Variants in SNX7 observed in about 807,000 individuals in gnomAD.
SNX7 encodes sorting nexin-7.
A neutral mutation model predicts 48.4 loss-of-function variants in SNX7; 35 were observed. The ratio of observed to expected loss-of-function variants is 0.72; its 90% confidence interval spans 0.55 to 0.96. SNX7 has a LOEUF of 0.96. Ranked by LOEUF, SNX7 falls within the 40% of genes least tolerant of loss-of-function variation. The pLI, the probability that SNX7 is intolerant of heterozygous loss-of-function variation, is 0.00. For synonymous variants in SNX7, 190 were observed against 190.2 expected, an observed-to-expected ratio of 1.00 and a Z score of 0.01; for missense variants, 553 against 548.9, an observed-to-expected ratio of 1.01 and a Z score of -0.07.
intron 1 of SNX7, among the ~76,000 whole-genome samples, chr1:98,679,212 G>T (rs548810292): frequency 6.6e-6 from 1 of 152,300 alleles, no homozygotes; most frequent in African/African-American, 2.4e-5. Flanking sequence ...AAAAGAGCTT[G>T]TGCAGGGAAA....
At chr1:98,719,901 C>T (rs1652775485) in intron 7 of SNX7, among the ~76,000 whole-genome samples, 1 of 148,728 alleles carries the variant, frequency 6.7e-6, no homozygotes, top group African/African-American at 2.4e-5. Context: ...TATATATCAA[C>T]TATAATATAT....
intron 7 of SNX7, among the ~76,000 whole-genome samples, chr1:98,733,293 C>G (rs999863592): frequency 1.3e-5 from 2 of 152,148 alleles, no homozygotes; most frequent in African/African-American, 4.8e-5. Flanking sequence ...TGCCCACCAT[C>G]TAGATCAGGG....
chr1:98,661,707 G>A, upstream of SNX7: 1 of 1,207,304 alleles, frequency 8.3e-7, no homozygotes, highest in Non-Finnish European at 1.0e-6. Context: ...CGGCGGTGGC[G>A]GCCGGCTGGG....
chr1:98,695,522 T>C lies in SNX7; in HGVS notation c.644T>C (p.Leu215Pro). ...KIFLTAQAWE[L>P]SSHKKQGPGL... Reference sequence around the variant, plus strand: ...TACTTGGTTTTTTGTTTCTAGGAACTCTCTTCTCACAAGAAGCAAGGTCCT... The same window carrying C: ...TACTTGGTTTTTTGTTTCTAGGAACCCTCTTCTCACAAGAAGCAAGGTCCT... Residue 215 changes from leucine to proline, a missense_variant, in exon 5 of 9, where the codon CTC becomes CCC. Physicochemically the swap from Leu to Pro is moderately conservative, Grantham distance 98 (BLOSUM62 -3). Coordinates refer to ENST00000306121, the MANE Select transcript of SNX7 (RefSeq NM_015976.5). 1 of 1,612,894 alleles carries C rather than the reference T, an allele frequency of 6.2e-7. No individual in the cohort carries two copies. The highest frequency in any genetic ancestry group is 8.5e-7 in the Non-Finnish European group (1 of 1,179,688).
At chr1:98,666,675 G>A (rs1157664732) in intron 1 of SNX7, among the ~76,000 whole-genome samples, 1 of 152,128 alleles carries the variant, frequency 6.6e-6, no homozygotes, top group Non-Finnish European at 1.5e-5. Flanking sequence ...CTCTCCTACG[G>A]AGAGATGGTA....
chr1:98,734,224 T>C (rs1653660810), intron 7 of SNX7, among the ~76,000 whole-genome samples: 1 of 152,162 alleles, frequency 6.6e-6, no homozygotes, highest in Non-Finnish European at 1.5e-5. Context: ...TTCCATTCTG[T>C]ATCTGTAAAT....
At chr1:98,726,979 G>A (rs1484904834) in intron 7 of SNX7, among the ~76,000 whole-genome samples, 2 of 152,198 alleles carry the variant, frequency 1.3e-5, no homozygotes, top group African/African-American at 4.8e-5. Context: ...GGGAGGCTGA[G>A]GCGGGTGGAT....
intron 1 of SNX7, among the ~76,000 whole-genome samples, chr1:98,676,084 AC>A (rs1017131035): frequency 3.9e-5 from 6 of 152,168 alleles, no homozygotes; most frequent in Admixed American, 6.5e-5. Context: ...ATTCCTGTTA[AC>A]TTTTTTTTTT....
intron 7 of SNX7, among the ~76,000 whole-genome samples, chr1:98,705,847 G>A (rs1651978331): frequency 6.6e-6 from 1 of 152,092 alleles, no homozygotes; most frequent in African/African-American, 2.4e-5. Context: ...AGGTGGCAGT[G>A]GAGTTGCAGA....
chr1:98,720,505 A>G (rs1450048160), intron 7 of SNX7, among the ~76,000 whole-genome samples: 1 of 152,048 alleles, frequency 6.6e-6, no homozygotes, highest in Non-Finnish European at 1.5e-5. Flanking sequence ...TACTTTTTTG[A>G]GTGAACCCCT....
At chr1:98,663,278 TTTTTTTTTTTTTTTG>T in intron 1 of SNX7, among the ~76,000 whole-genome samples, 2 of 109,898 alleles carry the variant, frequency 1.8e-5, no homozygotes, top group African/African-American at 6.6e-5. Flanking sequence ...TTTTTTTTTT[TTTTTTTTTTTTTTTG>T]TCGGGGCTGG....
At chr1:98,709,588 A>G (rs1652195854) in intron 7 of SNX7, among the ~76,000 whole-genome samples, 1 of 152,048 alleles carries the variant, frequency 6.6e-6, no homozygotes, top group Non-Finnish European at 1.5e-5. Flanking sequence ...ACTATTTTAT[A>G]TTTTTCTTTT....
At chr1:98,742,727 C>G (rs1337557999) in intron 8 of SNX7, among the ~76,000 whole-genome samples, 1 of 151,878 alleles carries the variant, frequency 6.6e-6, no homozygotes, top group Non-Finnish European at 1.5e-5. Context: ...ATCCTTTCTC[C>G]TAGGGAGTGG....
chr1:98,732,899 A>C (rs1570586713), intron 7 of SNX7, among the ~76,000 whole-genome samples: 1 of 152,152 alleles, frequency 6.6e-6, no homozygotes, highest in African/African-American at 2.4e-5. Flanking sequence ...AGAGCTGCAC[A>C]TCAGTTTTAC....
intron 7 of SNX7, among the ~76,000 whole-genome samples, chr1:98,733,362 C>A (rs1653614809): frequency 6.6e-6 from 1 of 152,124 alleles, no homozygotes; most frequent in South Asian, 2.1e-4. Flanking sequence ...GTTTCTGTGG[C>A]ATCAGGAGTC....
intron 7 of SNX7, among the ~76,000 whole-genome samples, chr1:98,706,157 G>T (rs1310272468): frequency 6.6e-6 from 1 of 151,996 alleles, no homozygotes; most frequent in Admixed American, 6.6e-5. Context: ...AAGAAACCAG[G>T]TCCTCATGAG....
At chr1:98,704,526 C>T (rs1227222936) in intron 7 of SNX7, among the ~76,000 whole-genome samples, 1 of 152,128 alleles carries the variant, frequency 6.6e-6, no homozygotes, top group East Asian at 1.9e-4. Context: ...ACCAGAGTTA[C>T]TCTAAAAATG....
chr1:98,747,651 T>C (rs1654370443), intron 8 of SNX7, among the ~76,000 whole-genome samples: 1 of 152,196 alleles, frequency 6.6e-6, no homozygotes, highest in Non-Finnish European at 1.5e-5. Flanking sequence ...TTACACTTAA[T>C]ATAGTGTCCT....
chr1:98,677,033 A>G (rs1222062687), intron 1 of SNX7, among the ~76,000 whole-genome samples: 1 of 152,224 alleles, frequency 6.6e-6, no homozygotes, highest in East Asian at 1.9e-4. Flanking sequence ...AACAACAGAC[A>G]AAACTTTTGA....
Sources: gnomAD v4.1 joint callset for allele counts (sites outside exome capture counted in the v4.1 genomes callset) on GRCh38, gnomAD v4.1.1 for gene constraint, MANE v1.5 for transcripts, NCBI Gene and HGNC (gene_info 2026-07-23, HGNC 2026-07-21) for gene names.